CHL1: variants seen among roughly 807,000 people sequenced by gnomAD.
The protein encoded by CHL1 is cell adhesion molecule L1 like, also known as neural cell adhesion molecule L1-like protein.
Under a neutral mutation model 141.9 loss-of-function variants are expected in CHL1, and 96 were observed. The ratio of observed to expected loss-of-function variants is 0.68; its 90% CI spans 0.57 to 0.80. The LOEUF (loss-of-function observed/expected upper bound fraction) is 0.80. Ranked by LOEUF, CHL1 falls within the 30% of genes least tolerant of loss-of-function variation. The pLI, the probability that CHL1 is intolerant of heterozygous loss-of-function variation, is 0.00. For synonymous variants in CHL1, 613 were observed against 502.2 expected, an observed-to-expected ratio of 1.22 and a Z score of -2.95; for missense variants, 1,820 against 1,457.2, an observed-to-expected ratio of 1.25 and a Z score of -4.05.
intron 1 of CHL1, among the ~76,000 whole-genome samples, chr3:207,847 G>T (rs536380447): frequency 6.6e-6 from 1 of 152,082 alleles, no homozygotes; most frequent in Admixed American, 6.5e-5. Context: ...TAATTGATTT[G>T]GGCTGAATAG....
At chr3:358,545 A>G (rs1038459031) in intron 11 of CHL1, among the ~76,000 whole-genome samples, 1 of 152,178 alleles carries the variant, frequency 6.6e-6, no homozygotes, top group East Asian at 1.9e-4. Flanking sequence ...TTGCCTACTT[A>G]CAGGGGCCTT....
intron 2 of CHL1, among the ~76,000 whole-genome samples, chr3:280,138 C>G (rs1210068747): frequency 6.6e-6 from 1 of 151,754 alleles, no homozygotes; most frequent in Non-Finnish European, 1.5e-5. Context: ...CATGTAATAT[C>G]TTTGCTAAGT....
At position 203,588 on chromosome 3, in the gene CHL1, C is replaced by G. The variant is rs563826098; in HGVS notation, c.-175+6525C>G. Among the ~76,000 whole-genome samples, 5 of 152,360 alleles carry G rather than the reference C, an allele frequency of 3.3e-5. No homozygotes were observed. In the East Asian group the frequency reaches 9.6e-4, roughly 29 times the overall value. On this transcript the variant is annotated intron_variant, in intron 1 of 27. Coordinates refer to ENST00000256509, the MANE Select transcript of CHL1 (RefSeq NM_006614.4). Reference sequence around the variant, plus strand: ...GCCCACAAGGGCTGCTGAAGCACATCTGGAGCTGTTACTGCCCCTTGTCCT... The same window carrying G: ...GCCCACAAGGGCTGCTGAAGCACATGTGGAGCTGTTACTGCCCCTTGTCCT...
At chr3:392,278 C>A (rs905549489) in intron 23 of CHL1, among the ~76,000 whole-genome samples, 6 of 152,176 alleles carry the variant, frequency 3.9e-5, no homozygotes, top group Non-Finnish European at 7.3e-5. Flanking sequence ...AGCATAGGTA[C>A]CTTCCACGCT....
intron 3 of CHL1, among the ~76,000 whole-genome samples, chr3:321,983 A>G (rs1255531993): frequency 2.0e-5 from 3 of 152,118 alleles, no homozygotes; most frequent in African/African-American, 7.2e-5. Context: ...TTACAACCTT[A>G]GCAAATTTAG....
chr3:356,375 A>C (rs1164728029), intron 11 of CHL1, among the ~76,000 whole-genome samples: 1 of 152,194 alleles, frequency 6.6e-6, no homozygotes, highest in Non-Finnish European at 1.5e-5. Context: ...AGGAGGTGCT[A>C]TTATTCATAT....
intron 1 of CHL1, among the ~76,000 whole-genome samples, chr3:216,190 G>A (rs1402463454): frequency 6.6e-6 from 1 of 152,266 alleles, no homozygotes; most frequent in African/African-American, 2.4e-5. Context: ...TGTCTTGATG[G>A]CACAATTTTA....
At chr3:394,595 C>A in intron 23 of CHL1, 98 bp from the exon 24 acceptor site, 1 of 840,610 alleles carries the variant, frequency 1.2e-6, no homozygotes. Flanking sequence ...ATTAATGTAT[C>A]TTTACGTACC....
intron 2 of CHL1, among the ~76,000 whole-genome samples, chr3:285,974 T>G (rs536878802): frequency 3.9e-4 from 59 of 152,320 alleles, no homozygotes; most frequent in Non-Finnish European, 7.1e-4. Flanking sequence ...TTTTTTCTCC[T>G]GTCACTTTCA....
At chr3:310,604 G>A (rs938125316) in intron 2 of CHL1, among the ~76,000 whole-genome samples, 8 of 151,882 alleles carry the variant, frequency 5.3e-5, no homozygotes, top group Admixed American at 2.0e-4. Context: ...GTTGTTTTAG[G>A]TTCACAGCAA....
At chr3:376,407 G>T (rs746483679) in intron 15 of CHL1, 1 of 516,622 alleles carries the variant, frequency 1.9e-6, no homozygotes, top group East Asian at 5.5e-5. Context: ...GCTGGAACAC[G>T]ACATTTTTAA....
At chr3:302,898 C>A (rs1301195293) in intron 2 of CHL1, among the ~76,000 whole-genome samples, 1 of 152,066 alleles carries the variant, frequency 6.6e-6, no homozygotes, top group Non-Finnish European at 1.5e-5. Flanking sequence ...AGTCTTTGAC[C>A]TATCTTGAGT....
At chr3:219,769 T>C (rs776106391) in intron 1 of CHL1, among the ~76,000 whole-genome samples, 3 of 152,156 alleles carry the variant, frequency 2.0e-5, no homozygotes, top group Non-Finnish European at 4.4e-5. Context: ...AAATAGTCTG[T>C]ACAACAAACC....
At chr3:271,581 C>A (rs1181791691) in intron 2 of CHL1, among the ~76,000 whole-genome samples, 1 of 152,130 alleles carries the variant, frequency 6.6e-6, no homozygotes, top group Non-Finnish European at 1.5e-5. Context: ...ATATTGGAAG[C>A]TTTCATTTAT....
intron 15 of CHL1, among the ~76,000 whole-genome samples, chr3:377,213 A>AG (rs1394090903): frequency 6.6e-6 from 1 of 152,238 alleles, no homozygotes; most frequent in Non-Finnish European, 1.5e-5. Flanking sequence ...AATGATAAAA[A>AG]GTGAGGTGAA....
chr3:288,606 G>T (rs1042272784), intron 2 of CHL1, among the ~76,000 whole-genome samples: 2 of 152,142 alleles, frequency 1.3e-5, no homozygotes, highest in Non-Finnish European at 2.9e-5. Context: ...CAGGAGGGGG[G>T]CCATGAAGGA....
intron 2 of CHL1, among the ~76,000 whole-genome samples, chr3:280,172 CTG>C (rs998339499): frequency 2.6e-5 from 4 of 151,182 alleles, no homozygotes; most frequent in Non-Finnish European, 5.9e-5. Flanking sequence ...AAATTTAAAA[CTG>C]AAATTCATAT....
At chr3:197,945 G>C in intron 1 of CHL1, 1 of 383,868 alleles carries the variant, frequency 2.6e-6, no homozygotes. Flanking sequence ...TGGGGAGCAG[G>C]GATTGGAGCC....
chr3:312,283 A>T (rs943224787), intron 2 of CHL1, among the ~76,000 whole-genome samples: 5 of 152,162 alleles, frequency 3.3e-5, no homozygotes, highest in African/African-American at 1.2e-4. Context: ...CTCTGCAGGG[A>T]TGATGAGTTA....
Sources: allele counts gnomAD v4.1 joint callset (sites outside exome capture counted in the v4.1 genomes callset), GRCh38; gene constraint gnomAD v4.1.1; transcripts MANE v1.5; gene names NCBI Gene and HGNC (gene_info 2026-07-23, HGNC 2026-07-21).